Variants in PPP1R21 observed in about 807,000 individuals in gnomAD.
PPP1R21 encodes protein phosphatase 1 regulatory subunit 21, also known as KLRAQ motif containing 1.
In PPP1R21, 85 loss-of-function variants were observed where a neutral mutation model predicts 112.8. The ratio of observed to expected loss-of-function variants is 0.75; its 90% CI spans 0.63 to 0.90. PPP1R21 has a LOEUF of 0.90. Ranked by LOEUF, PPP1R21 falls within the 40% of genes least tolerant of loss-of-function variation. The pLI is 0.00. For missense variants in PPP1R21, 1,199 were observed against 901.5 expected, an observed-to-expected ratio of 1.33 and a Z score of -4.23; for synonymous variants, 381 against 322.3, an observed-to-expected ratio of 1.18 and a Z score of -1.95.
chr2:48,444,423 T>A (rs549551027), intron 1 of PPP1R21, among the ~76,000 whole-genome samples: 6 of 152,358 alleles, frequency 3.9e-5, no homozygotes, highest in African/African-American at 1.4e-4. Flanking sequence ...CATTTCTGAC[T>A]TGCTGTTTCT....
intron 16 of PPP1R21, 112 bp from the exon 17 acceptor site, chr2:48,498,381 A>G (rs1037596099): frequency 1.2e-5 from 12 of 971,870 alleles, no homozygotes; most frequent in Admixed American, 1.0e-4. Flanking sequence ...CTTTATTATT[A>G]TATTTTTACC....
chr2:48,477,957 C>G (rs556143172), intron 12 of PPP1R21, among the ~76,000 whole-genome samples: 1 of 152,192 alleles, frequency 6.6e-6, no homozygotes, highest in Admixed American at 6.5e-5. Context: ...AAAGAGAGTC[C>G]TAAATCCAAT....
intron 21 of PPP1R21, among the ~76,000 whole-genome samples, chr2:48,514,005 T>C (rs1670755938): frequency 6.6e-6 from 1 of 152,054 alleles, no homozygotes; most frequent in African/African-American, 2.4e-5. Flanking sequence ...TTAGCACATA[T>C]TCAGAGTTAT....
Position 48,486,685 on chromosome 2 carries a change from C to A in PPP1R21, c.1373C>A (p.Ala458Glu), listed in dbSNP as rs779122807. 1.2e-6 allele frequency: 2 copies of A among 1,613,672 alleles called. No individual in the cohort carries two copies. ...KAAIEHELPTATQKLITTNDC... is the reference protein window; with the variant it reads ...KAAIEHELPTETQKLITTNDC... ...GCAATAGAGCATGAACTTCCAACAG[C>A]AACACAGAAGCTGATAACAACTAAT... Residue 458 changes from alanine to glutamate, a missense_variant, in exon 14 of 22, where the codon GCA becomes GAA. By Grantham distance (107) the Ala-to-Glu change is moderately radical (BLOSUM62 -1). Transcript: ENST00000294952.
At chr2:48,512,817 G>C (rs1424130068) in intron 21 of PPP1R21, among the ~76,000 whole-genome samples, 1 of 145,322 alleles carries the variant, frequency 6.9e-6, no homozygotes, top group Non-Finnish European at 1.6e-5. Context: ...GGGGGTAAGG[G>C]AGTTGGCGAT....
intron 11 of PPP1R21, among the ~76,000 whole-genome samples, chr2:48,473,920 A>C (rs966739127): frequency 6.6e-6 from 1 of 152,176 alleles, no homozygotes; most frequent in African/African-American, 2.4e-5. Context: ...TCTAGATTGT[A>C]AATCTGTTTG....
chr2:48,461,301 GTAATTTT>G lies in PPP1R21; in HGVS notation c.694+74_694+80del, dbSNP rs969353284. ...TCTCTGTGGTAGCCAACTAATTAAA[GTAATTTT>G]TAATCTTTTGGGCAAAAAATTTAAT... On this transcript the variant is annotated intron_variant, in intron 7 of 21. Transcript: ENST00000294952. 3 of 1,419,520 alleles carry G rather than the reference GTAATTTT, an allele frequency of 2.1e-6. No homozygotes were observed. In the African/African-American group the frequency reaches 4.5e-5, roughly 21 times the overall value. The allele number at this position is 1,419,520 out of a possible 1,614,324, so 87.9% of individuals were successfully genotyped here.
intron 14 of PPP1R21, among the ~76,000 whole-genome samples, chr2:48,488,418 G>A (rs945781530): frequency 4.6e-5 from 7 of 151,348 alleles, no homozygotes; most frequent in Admixed American, 4.6e-4. Flanking sequence ...CCAGGTTGGA[G>A]TGTAGTGGCA....
At chr2:48,452,156 T>C (rs148486194) in intron 2 of PPP1R21, among the ~76,000 whole-genome samples, 11 of 152,350 alleles carry the variant, frequency 7.2e-5, no homozygotes, top group Middle Eastern at 6.8e-3. Flanking sequence ...TTTAAACTTA[T>C]TGCTGGGGAA....
chr2:48,491,320 G>A (rs1290865587), intron 15 of PPP1R21, 150 bp downstream of exon 15: 3 of 830,814 alleles, frequency 3.6e-6, no homozygotes, highest in Non-Finnish European at 5.4e-6. Flanking sequence ...GGGCTGTGGG[G>A]AAGAGGAGGT....
chr2:48,483,288 T>G (rs1006049629), intron 13 of PPP1R21, among the ~76,000 whole-genome samples: 6 of 147,604 alleles, frequency 4.1e-5, no homozygotes, highest in Non-Finnish European at 8.9e-5. Context: ...TTCAAGCGAT[T>G]CTCCTGCCTC....
chr2:48,488,913 C>T (rs974782589), intron 14 of PPP1R21, among the ~76,000 whole-genome samples: 3 of 152,068 alleles, frequency 2.0e-5, no homozygotes, highest in African/African-American at 7.2e-5. Flanking sequence ...AGAAAAGAAA[C>T]CTCACAATGT....
chr2:48,503,551 A>C (rs961853522), intron 17 of PPP1R21, among the ~76,000 whole-genome samples: 1 of 152,232 alleles, frequency 6.6e-6, no homozygotes, highest in Non-Finnish European at 1.5e-5. Flanking sequence ...ATATTTTCAA[A>C]TTCCTTGATC....
intron 4 of PPP1R21, 103 bp from the exon 5 acceptor site, chr2:48,459,651 T>G: frequency 1.6e-6 from 2 of 1,283,832 alleles, no homozygotes; most frequent in Non-Finnish European, 2.1e-6. Flanking sequence ...AGTCAGCATA[T>G]GGAACCATGT....
chr2:48,467,945 G>T (rs1048650668), intron 9 of PPP1R21, among the ~76,000 whole-genome samples: 2 of 152,168 alleles, frequency 1.3e-5, no homozygotes, highest in East Asian at 1.9e-4. Flanking sequence ...TACATAACCT[G>T]ATTCTTATTC....
At chr2:48,479,842 T>G (rs1668926732) in intron 12 of PPP1R21, 82 bp from the exon 13 acceptor site, 5 of 874,014 alleles carry the variant, frequency 5.7e-6, no homozygotes, top group African/African-American at 1.7e-5. Flanking sequence ...ATCTTCATTC[T>G]CTATCTTCCC....
In PPP1R21 at chr2:48,510,008, T is replaced by A. The variant is rs766622008; in HGVS notation, c.2086-7T>A. 1.8e-5 allele frequency: 28 copies of A among 1,581,564 alleles called. No individual in the cohort carries two copies. Among genetic ancestry groups the A allele is most frequent in the Middle Eastern group, 1.7e-4 (1 of 5,914 alleles). On this transcript the variant is annotated splice_polypyrimidine_tract_variant and splice_region_variant and intron_variant, in intron 19 of 21. Transcript: ENST00000294952. ...CTCTAGTAATGGAATGTTTTCTGAT[T>A]TTACAGTGCCGAGCACTGTCTAAAA... is the stretch of plus-strand genomic sequence containing the variant.
chr2:48,512,146 T>G (rs548574604), intron 21 of PPP1R21, among the ~76,000 whole-genome samples: 1 of 152,330 alleles, frequency 6.6e-6, no homozygotes, highest in South Asian at 2.1e-4. Flanking sequence ...AGAAAATTTA[T>G]TCTCATAAAT....
rs1257769706 is a variant in PPP1R21 at position 48,495,706 on chromosome 2, G to T, written c.1627G>T (p.Glu543Ter). Residue 543 changes from glutamate (E) to a stop codon, truncating the protein, a stop_gained, in exon 16 of 22, where the codon GAA (glutamate) becomes TAA (stop). Transcript: ENST00000294952. LOFTEE classifies it high-confidence loss of function. Reference protein sequence around the residue: ...KPLLESVPYEEALANRRILLS... With the variant: ...KPLLESVPYE ...CCTCTTGGAGTCTGTGCCTTATGAA[G>T]AAGCACTGGCAAACCGCCGCATCCT... The T allele has an allele frequency of 6.2e-7, 1 of 1,611,592 alleles. No homozygotes were observed. The highest frequency in any genetic ancestry group is 8.5e-7 in the Non-Finnish European group (1 of 1,177,870).
Sources: allele counts gnomAD v4.1 joint callset (sites outside exome capture counted in the v4.1 genomes callset), GRCh38; gene constraint gnomAD v4.1.1; transcripts MANE v1.5; gene names NCBI Gene and HGNC (gene_info 2026-07-23, HGNC 2026-07-21).